MCTP1: variants seen among roughly 807,000 people sequenced by gnomAD.
MCTP1 encodes the protein multiple C2 and transmembrane domain-containing protein 1.
In MCTP1, 69 loss-of-function variants were observed where a neutral mutation model predicts 120.6. The ratio of observed to expected loss-of-function variants is 0.57; its 90% CI spans 0.47 to 0.70. MCTP1 has a LOEUF of 0.70. Among genes scored for constraint, MCTP1 ranks in the 30% least tolerant of loss-of-function variants. The pLI, the probability that MCTP1 is intolerant of heterozygous loss-of-function variation, is 0.00. For synonymous variants in MCTP1, 529 were observed against 493.1 expected (o/e 1.07, Z -0.96); for missense variants, 1,203 against 1,248.8 (o/e 0.96, Z 0.55).
At chr5:95,185,904 C>T (rs750727275) in intron 1 of MCTP1, among the ~76,000 whole-genome samples, 5 of 152,020 alleles carry the variant, frequency 3.3e-5, no homozygotes, top group African/African-American at 4.8e-5. Context: ...GCAAAAGAAT[C>T]GCTTGAACCC....
chr5:95,181,328 T>C (rs1748571355), intron 1 of MCTP1, among the ~76,000 whole-genome samples: 1 of 152,240 alleles, frequency 6.6e-6, no homozygotes. Flanking sequence ...GCTACACGTC[T>C]ACATTCTGCT....
intron 1 of MCTP1, among the ~76,000 whole-genome samples, chr5:95,200,617 T>C (rs893017013): frequency 6.6e-6 from 1 of 152,342 alleles, no homozygotes; most frequent in Admixed American, 6.5e-5. Flanking sequence ...AAATACCACA[T>C]GATCTCACTT....
intron 1 of MCTP1, chr5:95,081,865 A>ATG (rs1418128040): frequency 1.3e-5 from 13 of 997,592 alleles, no homozygotes; most frequent in Non-Finnish European, 1.6e-5. Flanking sequence ...CCTCTTCCTC[A>ATG]TGGCAAAAGC....
At chr5:95,252,689 C>A (rs552486855) in intron 1 of MCTP1, among the ~76,000 whole-genome samples, 1 of 152,020 alleles carries the variant, frequency 6.6e-6, no homozygotes, top group South Asian at 2.1e-4. Context: ...ATTTCTTAGG[C>A]GCTCCATTCC....
chr5:94,887,347 T>C (rs554703958), intron 12 of MCTP1, among the ~76,000 whole-genome samples: 2 of 152,280 alleles, frequency 1.3e-5, no homozygotes, highest in African/African-American at 4.8e-5. Context: ...TTAACTTCCA[T>C]AGTGGCACAC....
intron 17 of MCTP1, among the ~76,000 whole-genome samples, chr5:94,811,389 A>G (rs1210988978): frequency 6.6e-6 from 1 of 152,206 alleles, no homozygotes; most frequent in Admixed American, 6.5e-5. Flanking sequence ...AACAGAAGTT[A>G]TCAGAGAACA....
intron 2 of MCTP1, among the ~76,000 whole-genome samples, chr5:94,975,843 T>C (rs1002677183): frequency 2.0e-5 from 3 of 152,020 alleles, no homozygotes; most frequent in African/African-American, 7.2e-5. Context: ...ATGGACATTA[T>C]TAGGCCTTTT....
At chr5:94,967,031 T>G (rs1018935110) in intron 2 of MCTP1, among the ~76,000 whole-genome samples, 1 of 152,238 alleles carries the variant, frequency 6.6e-6, no homozygotes, top group Non-Finnish European at 1.5e-5. Flanking sequence ...TTATTGGTAG[T>G]ACACAATGTC....
chr5:94,732,504 T>C (rs112595170), intron 19 of MCTP1, among the ~76,000 whole-genome samples: 1 of 152,324 alleles, frequency 6.6e-6, no homozygotes, highest in African/African-American at 2.4e-5. Flanking sequence ...AAGAAACTTT[T>C]TAGCTGCTTA....
At chr5:95,072,806 C>T (rs575217134) in intron 1 of MCTP1, among the ~76,000 whole-genome samples, 7 of 124,886 alleles carry the variant, frequency 5.6e-5, no homozygotes, top group Admixed American at 4.5e-4. Flanking sequence ...AGTGCAATGG[C>T]GAGATCTCGG....
chr5:95,109,223 C>A (rs912138966), intron 1 of MCTP1, among the ~76,000 whole-genome samples: 3 of 152,116 alleles, frequency 2.0e-5, no homozygotes, highest in Non-Finnish European at 4.4e-5. Flanking sequence ...CCAGAAAAAC[C>A]TCCTATATTT....
At chr5:95,273,886 C>T (rs1428743989) in intron 1 of MCTP1, among the ~76,000 whole-genome samples, 1 of 152,154 alleles carries the variant, frequency 6.6e-6, no homozygotes, top group Non-Finnish European at 1.5e-5. Context: ...TTTTACTCCC[C>T]CTTCCCTGGA....
At chr5:94,900,775 A>C (rs1805299466) in intron 10 of MCTP1, among the ~76,000 whole-genome samples, 1 of 152,234 alleles carries the variant, frequency 6.6e-6, no homozygotes, top group African/African-American at 2.4e-5. Flanking sequence ...TGTGATATTA[A>C]GAAAGTCACT....
chr5:94,836,231 T>C (rs1466634765), intron 17 of MCTP1, among the ~76,000 whole-genome samples: 2 of 137,120 alleles, frequency 1.5e-5, no homozygotes, highest in Non-Finnish European at 3.1e-5. Flanking sequence ...TTCTTTAAAC[T>C]GGATTGTGGG....
intron 19 of MCTP1, among the ~76,000 whole-genome samples, chr5:94,732,323 C>T (rs559190894): frequency 4.0e-5 from 6 of 151,652 alleles, no homozygotes; most frequent in Admixed American, 6.6e-5. Flanking sequence ...TATGAGACTT[C>T]GTGATTTTTT....
chr5:95,030,225 T>G (rs1314978164), intron 1 of MCTP1, among the ~76,000 whole-genome samples: 3 of 152,270 alleles, frequency 2.0e-5, no homozygotes, highest in Middle Eastern at 3.4e-3. Flanking sequence ...GAGGAGCTGA[T>G]GCATGCTCCA....
intron 3 of MCTP1, among the ~76,000 whole-genome samples, chr5:94,947,583 G>T (rs1965755): frequency 0.26 from 8,866 of 33,936 alleles, 465 homozygotes; most frequent in East Asian, 0.41. Flanking sequence ...TATATAGAGA[G>T]AGAGAGAGAG....
chr5:95,117,196 C>T (rs1757881962), intron 1 of MCTP1, among the ~76,000 whole-genome samples: 1 of 151,926 alleles, frequency 6.6e-6, no homozygotes, highest in African/African-American at 2.4e-5. Context: ...CAAGACCATC[C>T]TCGCTAACAC....
At chr5:95,165,223 G>A (rs1746189225) in intron 1 of MCTP1, among the ~76,000 whole-genome samples, 3 of 152,264 alleles carry the variant, frequency 2.0e-5, no homozygotes, top group East Asian at 1.9e-4. Flanking sequence ...AAATAAATAC[G>A]ATAAGCATCT....
Sources: allele counts gnomAD v4.1 joint callset (sites outside exome capture counted in the v4.1 genomes callset), GRCh38; gene constraint gnomAD v4.1.1; transcripts MANE v1.5; gene names NCBI Gene and HGNC (gene_info 2026-07-23, HGNC 2026-07-21).